CTIF: variants seen among roughly 807,000 people sequenced by gnomAD.
The protein encoded by CTIF is CBP80/20-dependent translation initiation factor.
A neutral mutation model predicts 66.0 loss-of-function variants in CTIF; 21 were observed. The ratio of observed to expected loss-of-function variants is 0.32; its 90% CI spans 0.23 to 0.46. The LOEUF (loss-of-function observed/expected upper bound fraction) is 0.46, where lower values mean the gene tolerates loss of function less well. Among genes scored for constraint, CTIF ranks in the 20% least tolerant of loss-of-function variants. The pLI is 1.00. For synonymous variants in CTIF, 345 were observed against 326.4 expected, an observed-to-expected ratio of 1.06 and a Z score of -0.62; for missense variants, 739 against 812.7, an observed-to-expected ratio of 0.91 and a Z score of 1.10.
chr18:48,666,380 T>C (rs1030029304), intron 5 of CTIF, among the ~76,000 whole-genome samples: 1 of 152,218 alleles, frequency 6.6e-6, no homozygotes, highest in Admixed American at 6.5e-5. Context: ...TCATTCCTAC[T>C]TTAGAGATGA....
At chr18:48,783,811 A>G (rs1911465915) in intron 9 of CTIF, among the ~76,000 whole-genome samples, 1 of 151,938 alleles carries the variant, frequency 6.6e-6, no homozygotes, top group South Asian at 2.1e-4. Context: ...CCTCCAGGCA[A>G]GCGCTGCCTG....
At position 48,738,586 on chromosome 18, in the gene CTIF, C is replaced by G. The variant is rs1379137857; in HGVS notation, c.585-19333C>G. 2.0e-5 allele frequency among the ~76,000 whole-genome samples: 3 copies of G among 151,958 alleles called. No homozygotes were observed. In the South Asian group the frequency reaches 6.3e-4, roughly 32 times the overall value. ...TGGGTATTTGCATGGCTTCTCCCTCCCCTCCCTCAAGCCTTGGCTGCTCCA... is the reference window on the plus strand; with the variant it reads ...TGGGTATTTGCATGGCTTCTCCCTCGCCTCCCTCAAGCCTTGGCTGCTCCA... On this transcript the variant is annotated intron_variant, in intron 7 of 11. Coordinates refer to ENST00000256413, the MANE Select transcript of CTIF (RefSeq NM_014772.3).
chr18:48,859,547 ACTGACAGC>A lies in CTIF; in HGVS notation c.1795_*5del. 1.2e-6 allele frequency: 2 copies of A among 1,613,844 alleles called. No individual in the cohort carries two copies. Among genetic ancestry groups the A allele is most frequent in the African/African-American group, 1.3e-5 (1 of 75,016 alleles). On this transcript the variant is annotated frameshift_variant, in exon 12 of 12. Coordinates refer to ENST00000256413, the MANE Select transcript of CTIF (RefSeq NM_014772.3). LOFTEE classifies it high-confidence loss of function. ...AGTACTACAACAGAACCATCCAGAAACTGACAGCCTGACAGCCAGGGGGCCTGGCAGGC... is the reference window on the plus strand; with the variant it reads ...AGTACTACAACAGAACCATCCAGAAACTGACAGCCAGGGGGCCTGGCAGGC...
At chr18:48,699,532 T>A (rs561677172) in intron 6 of CTIF, among the ~76,000 whole-genome samples, 1 of 152,214 alleles carries the variant, frequency 6.6e-6, no homozygotes, top group African/African-American at 2.4e-5. Context: ...GCTTAGCAGG[T>A]GGTTAGTTGA....
intron 1 of CTIF, among the ~76,000 whole-genome samples, chr18:48,556,596 A>G (rs555862212): frequency 6.6e-6 from 1 of 151,614 alleles, no homozygotes; most frequent in South Asian, 2.1e-4. Flanking sequence ...ATGGAGTCTC[A>G]CCCTGTTGCC....
chr18:48,619,967 A>C (rs992520444), intron 2 of CTIF, among the ~76,000 whole-genome samples: 1 of 152,098 alleles, frequency 6.6e-6, no homozygotes, highest in Non-Finnish European at 1.5e-5. Flanking sequence ...ACTCCTCCCT[A>C]TCCAATGAGG....
rs372683980 is a variant in CTIF, at chr18:48,761,702, C to T, written c.1371+13C>T. ...CAACATGCTGCAGGTAACTGGACGCCGGCCACCACCGCCCCGCGCCCCCTG... is the reference window on the plus strand; with the variant it reads ...CAACATGCTGCAGGTAACTGGACGCTGGCCACCACCGCCCCGCGCCCCCTG... On this transcript the variant is annotated intron_variant, in intron 9 of 11. Transcript: ENST00000256413. This position sits in a 1 kb window ranked among gnomAD's most constrained non-coding sequence, Gnocchi z 4.2. 2.0e-5 allele frequency: 32 copies of T among 1,598,702 alleles called. No individual in the cohort carries two copies. Among genetic ancestry groups the T allele is most frequent in the Non-Finnish European group, 2.6e-5 (30 of 1,169,120 alleles).
chr18:48,817,353 C>T lies in CTIF; in HGVS notation c.1504C>T (p.Pro502Ser). The stretch of plus-strand genomic sequence containing the variant: ...CGAGCCCTTCCGTGTGCTCGTGTGC[C>T]CCATCTACACCTGCCTCAGGGAGGT... ...TGEPFRVLVC[P>S]IYTCLRELLQ... Residue 502 changes from proline to serine, a missense_variant, in exon 10 of 12, where the codon CCC becomes TCC. This residue lies in a region of CTIF where 210 missense variants were observed against 292.3 expected (regional missense o/e 0.72). Coordinates refer to ENST00000256413, the MANE Select transcript of CTIF (RefSeq NM_014772.3). 1 of 1,612,040 alleles carries T rather than the reference C, an allele frequency of 6.2e-7. No homozygotes were observed. The highest frequency in any genetic ancestry group is 8.5e-7 in the Non-Finnish European group (1 of 1,179,276).
At position 48,757,937 on chromosome 18, in the gene CTIF, G is replaced by T. The variant is rs111264927; in HGVS notation, c.603G>T (p.Pro201=). Residue 201 remains proline, a synonymous_variant, in exon 8 of 12, where the codon CCG becomes CCT. Coordinates refer to ENST00000256413, the MANE Select transcript of CTIF (RefSeq NM_014772.3). ...RNDRRRQQRP[P]GGNKPQQHGD... ...TTTGCAGGCGGCAGCAGAGACCTCCGGGGGGCAACAAGCCCCAACAGCATG... is the reference window on the plus strand; with the variant it reads ...TTTGCAGGCGGCAGCAGAGACCTCCTGGGGGCAACAAGCCCCAACAGCATG... 165 of 1,612,216 alleles carry T rather than the reference G, an allele frequency of 1.0e-4. No individual in the cohort carries two copies. The highest frequency in any genetic ancestry group is 9.2e-5 in the Non-Finnish European group (109 of 1,178,988).
At chr18:48,831,614 A>T (rs2068693610) in intron 10 of CTIF, among the ~76,000 whole-genome samples, 1 of 152,266 alleles carries the variant, frequency 6.6e-6, no homozygotes, top group Non-Finnish European at 1.5e-5. Flanking sequence ...AAACCTTGAC[A>T]ATTACAGCAG....
At chr18:48,830,301 T>A (rs1453264235) in intron 10 of CTIF, among the ~76,000 whole-genome samples, 1 of 152,112 alleles carries the variant, frequency 6.6e-6, no homozygotes, top group Non-Finnish European at 1.5e-5. Flanking sequence ...GTAGCCGGGA[T>A]TACAGGCGTG....
intron 1 of CTIF, among the ~76,000 whole-genome samples, chr18:48,586,763 T>G (rs1195216321): frequency 6.6e-6 from 1 of 152,236 alleles, no homozygotes; most frequent in African/African-American, 2.4e-5. Context: ...TCTTAATTTA[T>G]AGGGTACCTC....
At chr18:48,622,171 G>T (rs1355925454) in intron 2 of CTIF, among the ~76,000 whole-genome samples, 2 of 152,236 alleles carry the variant, frequency 1.3e-5, no homozygotes, top group African/African-American at 4.8e-5. Flanking sequence ...CAGGACGGGA[G>T]TGGGTACCTG....
intron 1 of CTIF, chr18:48,567,500 T>C (rs1325603680): frequency 6.6e-6 from 1 of 152,236 alleles, no homozygotes; most frequent in African/African-American, 2.4e-5. Flanking sequence ...TGGAAAGATG[T>C]GTTCTTTGCC....
At chr18:48,778,465 G>A (rs1362416227) in intron 9 of CTIF, among the ~76,000 whole-genome samples, 2 of 152,208 alleles carry the variant, frequency 1.3e-5, no homozygotes, top group African/African-American at 4.8e-5. Context: ...GGTAGAAAAG[G>A]TCCCTGGTCT....
intron 6 of CTIF, among the ~76,000 whole-genome samples, chr18:48,709,719 G>A (rs1308537454): frequency 2.0e-5 from 3 of 152,210 alleles, no homozygotes; most frequent in Non-Finnish European, 4.4e-5. Context: ...GGAAACGAGA[G>A]GGGAAGACTT....
chr18:48,830,622 A>C (rs904042178), intron 10 of CTIF, among the ~76,000 whole-genome samples: 1 of 152,186 alleles, frequency 6.6e-6, no homozygotes, highest in African/African-American at 2.4e-5. Flanking sequence ...ACTGGGAAAA[A>C]ATGTGGAAGA....
At chr18:48,631,534 G>T (rs1207526683) in intron 2 of CTIF, among the ~76,000 whole-genome samples, 2 of 152,054 alleles carry the variant, frequency 1.3e-5, no homozygotes, top group Non-Finnish European at 2.9e-5. Context: ...TATTTTCATT[G>T]TTTTTTATTG....
At chr18:48,580,934 A>G (rs998108644) in intron 1 of CTIF, among the ~76,000 whole-genome samples, 2 of 152,234 alleles carry the variant, frequency 1.3e-5, no homozygotes, top group South Asian at 4.1e-4. Flanking sequence ...AGCTGCAGGC[A>G]TCGCGGCCCC....
Sources: gnomAD v4.1 joint callset for allele counts (sites outside exome capture counted in the v4.1 genomes callset) on GRCh38, gnomAD v4.1.1 for gene constraint, gnomAD v4.1.1 regional missense constraint, Gnocchi (gnomAD v3.1) non-coding constraint, MANE v1.5 for transcripts, NCBI Gene and HGNC (gene_info 2026-07-23, HGNC 2026-07-21) for gene names.